FAXC: variants seen among roughly 807,000 people sequenced by gnomAD.
The protein encoded by FAXC is failed axon connections homolog.
FAXC carries 10 observed loss-of-function variants against 41.9 expected under a neutral mutation model. The ratio of observed to expected loss-of-function variants is 0.24; its 90% CI spans 0.15 to 0.41. The LOEUF (loss-of-function observed/expected upper bound fraction) is 0.41. Among genes scored for constraint, FAXC ranks in the 10% least tolerant of loss-of-function variants. The pLI, the probability that FAXC is intolerant of heterozygous loss-of-function variation, is 1.00. For synonymous variants in FAXC, 183 were observed against 183.8 expected, an observed-to-expected ratio of 1.00 and a Z score of 0.03; for missense variants, 399 against 510.9, an observed-to-expected ratio of 0.78 and a Z score of 2.11.
In FAXC at chr6:99,275,549, A is replaced by C. The variant is rs1770572028; in HGVS notation, c.*5615T>G. The stretch of plus-strand genomic sequence containing the variant: ...CAATAGCAGGAGTTTTAGAGGGTCT[A>C]GGTCTGGGGACAAGTTCCTTGCTTC... On this transcript the variant is annotated 3_prime_UTR_variant, in exon 6 of 6. Coordinates refer to ENST00000389677, the MANE Select transcript of FAXC (RefSeq NM_032511.4). The C allele has an allele frequency of 6.6e-6, 1 of 152,218 alleles. No individual in the cohort carries two copies. Among genetic ancestry groups the C allele is most frequent in the Non-Finnish European group, 1.5e-5 (1 of 68,032 alleles). 9.4% of individuals were successfully genotyped at this position (152,218 alleles called of 1,614,324 possible). A position where few individuals can be genotyped will look rare whatever the true frequency, so the allele number is the denominator to read the frequency against.
chr6:99,321,313 A>T (rs1772579965), intron 4 of FAXC, among the ~76,000 whole-genome samples: 1 of 152,204 alleles, frequency 6.6e-6, no homozygotes, highest in South Asian at 2.1e-4. Context: ...ATCTTGAGCT[A>T]TTTCAACAAA....
chr6:99,275,834 G>A lies in FAXC; in HGVS notation c.*5330C>T, dbSNP rs901398321. 1 of 152,160 alleles carries A rather than the reference G, an allele frequency of 6.6e-6. No individual in the cohort carries two copies. The highest frequency in any genetic ancestry group is 1.9e-4 in the East Asian group (1 of 5,196). The allele number at this position is 152,160 out of a possible 1,614,324, so 9.4% of individuals were successfully genotyped here. Reference sequence around the variant, plus strand: ...ACATGCCACAGATGTTCGCATCCACGCCTGACAGTAGCAAGAGTCTTACAG... The same window carrying A: ...ACATGCCACAGATGTTCGCATCCACACCTGACAGTAGCAAGAGTCTTACAG... On this transcript the variant is annotated 3_prime_UTR_variant, in exon 6 of 6. Coordinates refer to ENST00000389677, the MANE Select transcript of FAXC (RefSeq NM_032511.4).
rs552192986 is a variant in FAXC, at chr6:99,272,734, T to G, written c.*8430A>C. On this transcript the variant is annotated 3_prime_UTR_variant, in exon 6 of 6. Coordinates refer to ENST00000389677, the MANE Select transcript of FAXC (RefSeq NM_032511.4). ...TATCAAAGTTATATGCCTAAAAAAT[T>G]CATTACCTCTGTTTTAATTATACAA... The G allele has an allele frequency of 1.3e-5, 2 of 152,176 alleles. No individual in the cohort carries two copies. The highest frequency in any genetic ancestry group is 2.4e-5 in the African/African-American group (1 of 41,446). 9.4% of individuals were successfully genotyped at this position (152,176 alleles called of 1,614,324 possible).
At chr6:99,331,047 G>A (rs559727880) in intron 3 of FAXC, among the ~76,000 whole-genome samples, 2 of 152,316 alleles carry the variant, frequency 1.3e-5, no homozygotes, top group East Asian at 3.9e-4. Flanking sequence ...TTAAGAAACA[G>A]ATTTGTTTTT....
At chr6:99,320,734 C>T (rs1175893921) in intron 4 of FAXC, among the ~76,000 whole-genome samples, 4 of 152,218 alleles carry the variant, frequency 2.6e-5, no homozygotes, top group African/African-American at 9.6e-5. Flanking sequence ...ATGCCACTCA[C>T]TTGGGATTCT....
chr6:99,311,741 C>CCACA (rs1218304342), intron 4 of FAXC, among the ~76,000 whole-genome samples: 1 of 152,142 alleles, frequency 6.6e-6, no homozygotes, highest in East Asian at 1.9e-4. Flanking sequence ...GCAGCTCAGG[C>CCACA]CACACCACAA....
intron 5 of FAXC, among the ~76,000 whole-genome samples, chr6:99,281,985 G>A (rs2128446429): frequency 6.6e-6 from 1 of 152,330 alleles, no homozygotes; most frequent in Admixed American, 6.5e-5. Context: ...TAGAGATACT[G>A]TGAAAATATT....
At chr6:99,317,080 G>A (rs910942288) in intron 4 of FAXC, among the ~76,000 whole-genome samples, 18 of 151,530 alleles carry the variant, frequency 1.2e-4, no homozygotes, top group Admixed American at 2.0e-4. Flanking sequence ...TAATGACTCC[G>A]CAAGCCATTT....
intron 4 of FAXC, among the ~76,000 whole-genome samples, chr6:99,299,465 T>C (rs1356637361): frequency 1.3e-5 from 2 of 152,230 alleles, no homozygotes; most frequent in African/African-American, 2.4e-5. Flanking sequence ...GTGTTTTACA[T>C]AGGGCTCCCT....
Position 99,280,999 on chromosome 6 carries a change from T to C in FAXC, c.*165A>G. The C allele has an allele frequency of 1.7e-6, 1 of 602,028 alleles. No individual in the cohort carries two copies. Among genetic ancestry groups the C allele is most frequent in the Non-Finnish European group, 3.0e-6 (1 of 334,714 alleles). 37.3% of individuals were successfully genotyped at this position (602,028 alleles called of 1,614,324 possible). The stretch of plus-strand genomic sequence containing the variant: ...ATGGAGTCATCTGAATGGTTCTGTG[T>C]TTTGTTTGTACAAAAAAGAAATAAG... On this transcript the variant is annotated 3_prime_UTR_variant, in exon 6 of 6. Transcript: ENST00000389677.
intron 5 of FAXC, among the ~76,000 whole-genome samples, chr6:99,284,559 CTG>C (rs74553398): frequency 0.16 from 18,886 of 118,742 alleles, 1,578 homozygotes; most frequent in Non-Finnish European, 0.21. Context: ...TGTGGAGTGT[CTG>C]TGTGTGTGTG....
At chr6:99,316,356 C>G (rs1772351341) in intron 4 of FAXC, among the ~76,000 whole-genome samples, 1 of 152,182 alleles carries the variant, frequency 6.6e-6, no homozygotes. Flanking sequence ...GAGGGTAGCT[C>G]TTCTACATGT....
chr6:99,291,753 T>C lies in FAXC; in HGVS notation c.891A>G (p.Ala297=). Residue 297 remains alanine (A), a synonymous_variant, in exon 5 of 6, where the codon GCA becomes GCG. Coordinates refer to ENST00000389677, the MANE Select transcript of FAXC (RefSeq NM_032511.4). ...TCCCTGGTAAGGTCCACATTGCCTG[T>C]GCCAAGTGTCCAAAGACAGTGGCGT... ...TLDATVFGHL[A]QAMWTLPGTR... 6.2e-7 allele frequency: 1 copy of C among 1,614,184 alleles called. No homozygotes were observed. The highest frequency in any genetic ancestry group is 8.5e-7 in the Non-Finnish European group (1 of 1,180,032).
chr6:99,295,845 G>C (rs1771470874), intron 4 of FAXC, among the ~76,000 whole-genome samples: 1 of 152,150 alleles, frequency 6.6e-6, no homozygotes, highest in Admixed American at 6.5e-5. Flanking sequence ...TCTTGACAGA[G>C]ACACTTTGAG....
chr6:99,282,049 A>G (rs1770860172), intron 5 of FAXC, among the ~76,000 whole-genome samples: 2 of 152,182 alleles, frequency 1.3e-5, no homozygotes. Flanking sequence ...ACATTCAGTG[A>G]GTGTGCTGAA....
chr6:99,344,934 C>A (rs1184337507), intron 1 of FAXC, among the ~76,000 whole-genome samples: 4 of 152,128 alleles, frequency 2.6e-5, no homozygotes, highest in Admixed American at 2.6e-4. Context: ...CAAGCATATG[C>A]TAATGACTTT....
chr6:99,339,375 C>G (rs781364631), intron 2 of FAXC, among the ~76,000 whole-genome samples: 35 of 152,206 alleles, frequency 2.3e-4, no homozygotes, highest in Non-Finnish European at 4.7e-4. Flanking sequence ...TAAACTCCCT[C>G]AGAGGTACAG....
rs553980874 is a variant in FAXC, at chr6:99,320,454, C to A, written c.823+2990G>T. Among the ~76,000 whole-genome samples, 142 of 152,206 alleles carry A rather than the reference C, an allele frequency of 9.3e-4. 3 individuals are homozygous for A. In the South Asian group the frequency reaches 0.012, roughly 13 times the overall value. On this transcript the variant is annotated intron_variant, in intron 4 of 5. Transcript: ENST00000389677. The stretch of plus-strand genomic sequence containing the variant: ...ATTTATTTTAGTTTGAATTAAGTTA[C>A]AATTTTTAAAACTATATCCATAGCT...
At chr6:99,301,811 T>C (rs1159084728) in intron 4 of FAXC, among the ~76,000 whole-genome samples, 3 of 152,230 alleles carry the variant, frequency 2.0e-5, no homozygotes, top group African/African-American at 7.2e-5. Flanking sequence ...GGATAAGCTA[T>C]GACAACCTCT....
Sources: gnomAD v4.1 joint callset for allele counts (sites outside exome capture counted in the v4.1 genomes callset) on GRCh38, gnomAD v4.1.1 for gene constraint, MANE v1.5 for transcripts, NCBI Gene and HGNC (gene_info 2026-07-23, HGNC 2026-07-21) for gene names.